Variants in GAD2 observed in about 807,000 individuals in gnomAD.
The protein encoded by GAD2 is 65 kDa glutamic acid decarboxylase.
Under a neutral mutation model 80.1 loss-of-function variants are expected in GAD2, and 22 were observed. The ratio of observed to expected loss-of-function variants is 0.27; its 90% confidence interval spans 0.20 to 0.39. The LOEUF (loss-of-function observed/expected upper bound fraction) is 0.39, where lower values mean the gene tolerates loss of function less well. Among genes scored for constraint, GAD2 ranks in the 10% least tolerant of loss-of-function variants. The probability of loss-of-function intolerance (pLI) is 1.00; values close to 1 mark genes in which losing one functional copy is unlikely to be tolerated. For synonymous variants in GAD2, 274 were observed against 256.9 expected (o/e 1.07, Z -0.64); for missense variants, 624 against 738.4 (o/e 0.85, Z 1.80).
At chr10:26,233,189 T>A (rs2132278416) in intron 7 of GAD2, among the ~76,000 whole-genome samples, 2 of 152,346 alleles carry the variant, frequency 1.3e-5, no homozygotes, top group South Asian at 4.1e-4. Flanking sequence ...CTGGGTTTAC[T>A]GGGTCCAAGA....
At chr10:26,238,351 A>G (rs1844700783) in intron 7 of GAD2, among the ~76,000 whole-genome samples, 1 of 152,178 alleles carries the variant, frequency 6.6e-6, no homozygotes, top group Admixed American at 6.5e-5. Context: ...TGTGCCTCAC[A>G]TCACCTCTTT....
rs536177329 is a variant in GAD2, at chr10:26,256,248, TTA to T, written c.920+10261_920+10262del. On this transcript the variant is annotated intron_variant, in intron 8 of 15. Coordinates refer to ENST00000376261, the MANE Select transcript of GAD2 (RefSeq NM_001134366.2). ...TTATATATGTATGTATATATGCATA[TTA>T]TATATATATATAGAGAGAGAACCAT... Among the ~76,000 whole-genome samples the T allele has an allele frequency of 2.9e-3, 431 of 150,398 alleles. 1 individual carries two copies. The highest frequency in any genetic ancestry group is 0.01 in the African/African-American group (411 of 40,982).
chr10:26,274,892 G>A (rs1845180490), intron 11 of GAD2, among the ~76,000 whole-genome samples: 1 of 152,224 alleles, frequency 6.6e-6, no homozygotes, highest in Admixed American at 6.5e-5. Flanking sequence ...GAGTCTGATG[G>A]CTGGGGTCAG....
intron 10 of GAD2, 86 bp downstream of exon 10, chr10:26,270,842 T>C (rs1194167538): frequency 2.2e-5 from 20 of 915,040 alleles, no homozygotes; most frequent in Middle Eastern, 2.2e-4. Flanking sequence ...TTTCTCTTTT[T>C]TTAACTTGGT....
At chr10:26,265,969 C>A (rs1457283594) in intron 8 of GAD2, among the ~76,000 whole-genome samples, 1 of 152,234 alleles carries the variant, frequency 6.6e-6, no homozygotes, top group African/African-American at 2.4e-5. Flanking sequence ...CAAACCATGG[C>A]ACATATGAGA....
At chr10:26,245,604 AT>A (rs1005200557) in intron 7 of GAD2, among the ~76,000 whole-genome samples, 57 of 146,752 alleles carry the variant, frequency 3.9e-4, no homozygotes, top group Non-Finnish European at 2.7e-4. Context: ...CACCCGGCTA[AT>A]TTTTTTTTTT....
At chr10:26,281,166 G>A (rs1314831211) in intron 12 of GAD2, 79 bp downstream of exon 12, 1 of 1,057,110 alleles carries the variant, frequency 9.5e-7, no homozygotes, top group African/African-American at 1.6e-5. Context: ...CTCTGGAAAT[G>A]TCAAGATCAC....
chr10:26,270,831 T>C, intron 10 of GAD2, 75 bp downstream of exon 10: 1 of 970,706 alleles, frequency 1.0e-6, no homozygotes, highest in Non-Finnish European at 1.7e-6. Flanking sequence ...AGGAAATTTG[T>C]TTTCTCTTTT....
At chr10:26,236,472 T>C (rs1463572274) in intron 7 of GAD2, among the ~76,000 whole-genome samples, 1 of 152,032 alleles carries the variant, frequency 6.6e-6, no homozygotes, top group African/African-American at 2.4e-5. Context: ...GGCTAAGTTC[T>C]GTATTTTTAG....
chr10:26,266,041 T>G lies in GAD2; in HGVS notation c.921-3078T>G, dbSNP rs1301046379. On this transcript the variant is annotated intron_variant, in intron 8 of 15. Coordinates refer to ENST00000376261, the MANE Select transcript of GAD2 (RefSeq NM_001134366.2). ...CCAGGCTAAAATGTCCCAAGCAGCTTTTCTTAACATATGGACCCAGGTCTA... is the reference window on the plus strand; with the variant it reads ...CCAGGCTAAAATGTCCCAAGCAGCTGTTCTTAACATATGGACCCAGGTCTA... Among the ~76,000 whole-genome samples, 3 of 152,198 alleles carry G rather than the reference T, an allele frequency of 2.0e-5. No individual in the cohort carries two copies. In the East Asian group the frequency reaches 5.8e-4, roughly 29 times the overall value.
chr10:26,292,614 T>C (rs1589154730), intron 14 of GAD2, 42 bp downstream of exon 14: 1 of 1,417,546 alleles, frequency 7.1e-7, no homozygotes, highest in African/African-American at 1.4e-5. Context: ...GTTTAGTCAA[T>C]TCCAACCCTC....
intron 11 of GAD2, among the ~76,000 whole-genome samples, chr10:26,276,814 C>T (rs1038378435): frequency 3.9e-5 from 6 of 152,204 alleles, no homozygotes; most frequent in African/African-American, 1.4e-4. Flanking sequence ...ACAGTTTCTG[C>T]TGCATCACCA....
At chr10:26,297,417 A>G (rs1336387516) in intron 15 of GAD2, among the ~76,000 whole-genome samples, 1 of 152,208 alleles carries the variant, frequency 6.6e-6, no homozygotes. Flanking sequence ...GTGGATTCCA[A>G]TTATGGAAAA....
intron 8 of GAD2, among the ~76,000 whole-genome samples, chr10:26,265,229 G>T: frequency 6.9e-6 from 1 of 144,584 alleles, no homozygotes; most frequent in South Asian, 2.2e-4. Flanking sequence ...TTTTTAGACG[G>T]AGTCTCACTC....
At chr10:26,228,508 G>A (rs1844557409) in intron 6 of GAD2, among the ~76,000 whole-genome samples, 3 of 152,176 alleles carry the variant, frequency 2.0e-5, no homozygotes, top group African/African-American at 7.2e-5. Context: ...TGGACGTGGA[G>A]GTTTATCCTT....
intron 7 of GAD2, among the ~76,000 whole-genome samples, chr10:26,240,250 T>C (rs147330061): frequency 1.4e-3 from 211 of 152,340 alleles, no homozygotes; most frequent in African/African-American, 4.8e-3. Context: ...CCCTCCAGTC[T>C]AGGGCTAGGA....
chr10:26,246,945 A>G (rs548347850), intron 8 of GAD2, among the ~76,000 whole-genome samples: 1 of 152,034 alleles, frequency 6.6e-6, no homozygotes, highest in Non-Finnish European at 1.5e-5. Flanking sequence ...GCAGTTACAG[A>G]AGATTGAATA....
intron 12 of GAD2, among the ~76,000 whole-genome samples, chr10:26,283,748 G>GGAAAA (rs1845298872): frequency 6.6e-6 from 1 of 152,074 alleles, no homozygotes; most frequent in East Asian, 1.9e-4. Flanking sequence ...AGCCTAGAGA[G>GGAAAA]GAAAAGAAAA....
At chr10:26,293,896 G>A (rs1171543375) in intron 15 of GAD2, among the ~76,000 whole-genome samples, 4 of 152,222 alleles carry the variant, frequency 2.6e-5, no homozygotes, top group African/African-American at 9.6e-5. Flanking sequence ...CTTGCTGATG[G>A]AGAAACTGAC....
Sources: allele counts gnomAD v4.1 joint callset (sites outside exome capture counted in the v4.1 genomes callset), GRCh38; gene constraint gnomAD v4.1.1; transcripts MANE v1.5; gene names NCBI Gene and HGNC (gene_info 2026-07-23, HGNC 2026-07-21).